Variants in ARIH1 observed in about 807,000 individuals in gnomAD.
ARIH1 encodes ariadne RBR E3 ubiquitin protein ligase 1, also known as E3 ubiquitin-protein ligase ARIH1.
ARIH1 carries 8 observed loss-of-function variants against 85.0 expected under a neutral mutation model. The observed-to-expected ratio is 0.09, with a 90% CI of 0.06 to 0.17. The LOEUF (loss-of-function observed/expected upper bound fraction) is 0.17, where lower values mean the gene tolerates loss of function less well. ARIH1 is among the 10% of genes least tolerant of loss of function. ARIH1 has a pLI of 1.00. For synonymous variants in ARIH1, 238 were observed against 253.6 expected (o/e 0.94, Z 0.59); for missense variants, 311 against 718.1 (o/e 0.43, Z 6.48).
rs2064313617 is a variant in ARIH1, at chr15:72,585,753, A to G, written c.*2461A>G. ...GCATTCCCTAATTTGTATGATCAAGATGAACTGGCCCTTTTCTACTTCCAA... is the reference window on the plus strand; with the variant it reads ...GCATTCCCTAATTTGTATGATCAAGGTGAACTGGCCCTTTTCTACTTCCAA... On this transcript the variant is annotated 3_prime_UTR_variant, in exon 14 of 14. Coordinates refer to ENST00000379887, the MANE Select transcript of ARIH1 (RefSeq NM_005744.5). 6.6e-6 allele frequency: 1 copy of G among 152,192 alleles called. No homozygotes were observed. Among genetic ancestry groups the G allele is most frequent in the African/African-American group, 2.4e-5 (1 of 41,446 alleles). The allele number at this position is 152,192 out of a possible 1,614,324, so 9.4% of individuals were successfully genotyped here.
In ARIH1 at chr15:72,521,732, A is replaced by C. The variant is rs573050163; in HGVS notation, c.443+3598A>C. 3.4e-4 allele frequency among the ~76,000 whole-genome samples: 51 copies of C among 152,136 alleles called. 1 individual carries two copies. The highest frequency in any genetic ancestry group is 3.0e-3 in the Admixed American group (46 of 15,276). ...CCTGGCTAATTTTTGTATTTTTAGT[A>C]GAGAGAGGGTTTCACCATGTTGGCC... On this transcript the variant is annotated intron_variant, in intron 2 of 13. Transcript: ENST00000379887.
At position 72,499,059 on chromosome 15, in the gene ARIH1, C is replaced by T. The variant is rs567069244; in HGVS notation, c.376-19008C>T. 2.2e-5 allele frequency among the ~76,000 whole-genome samples: 3 copies of T among 138,120 alleles called. No homozygotes were observed. In the East Asian group the frequency reaches 6.8e-4, roughly 31 times the overall value. 90.6% of individuals were successfully genotyped at this position (138,120 alleles called of 152,430 possible). A position where few individuals can be genotyped will look rare whatever the true frequency, so the allele number is the denominator to read the frequency against. ...GCAGTAGTGTGATCTCGGCTCACTG[C>T]GACCTCTGCCTCCCGGGTTCAAGCC... On this transcript the variant is annotated intron_variant, in intron 1 of 13. Coordinates refer to ENST00000379887, the MANE Select transcript of ARIH1 (RefSeq NM_005744.5).
intron 1 of ARIH1, among the ~76,000 whole-genome samples, chr15:72,496,588 T>G (rs1478121731): frequency 6.6e-6 from 1 of 152,252 alleles, no homozygotes; most frequent in African/African-American, 2.4e-5. Context: ...CCTGTTGTGA[T>G]AATCAAGAAT....
intron 1 of ARIH1, among the ~76,000 whole-genome samples, chr15:72,497,360 A>G (rs1359974495): frequency 6.6e-6 from 1 of 152,186 alleles, no homozygotes; most frequent in African/African-American, 2.4e-5. Flanking sequence ...CACTATGAGG[A>G]AGATTAAGAA....
At chr15:72,523,578 T>TA (rs1293802014) in intron 2 of ARIH1, among the ~76,000 whole-genome samples, 1 of 151,634 alleles carries the variant, frequency 6.6e-6, no homozygotes, top group Non-Finnish European at 1.5e-5. Flanking sequence ...TAATGGTGGA[T>TA]ATGTATCATT....
chr15:72,580,685 G>A, intron 11 of ARIH1, 46 bp from the exon 12 acceptor site: 1 of 1,554,634 alleles, frequency 6.4e-7, no homozygotes, highest in East Asian at 2.3e-5. Context: ...TTTATGTACA[G>A]TTTATGTGTT....
chr15:72,546,935 G>GT (rs1159301952), intron 3 of ARIH1, among the ~76,000 whole-genome samples: 3 of 44,232 alleles, frequency 6.8e-5, no homozygotes, highest in African/African-American at 1.2e-4. Context: ...TTTTTTTGGA[G>GT]GGGGGGGGGT....
At position 72,587,473 on chromosome 15, in the gene ARIH1, T is replaced by C. The variant is rs2064322384; in HGVS notation, c.*4181T>C. On this transcript the variant is annotated 3_prime_UTR_variant, in exon 14 of 14. Coordinates refer to ENST00000379887, the MANE Select transcript of ARIH1 (RefSeq NM_005744.5). ...ATTTGCTTAATAGTACCCAAGTAAT[T>C]TGCAGTTGTTGGTTTAGTTATTCAA... 3 of 275,122 alleles carry C rather than the reference T, an allele frequency of 1.1e-5. No homozygotes were observed. Among genetic ancestry groups the C allele is most frequent in the Non-Finnish European group, 2.1e-5 (3 of 140,490 alleles). The allele number at this position is 275,122 out of a possible 1,614,324, so 17.0% of individuals were successfully genotyped here.
intron 1 of ARIH1, among the ~76,000 whole-genome samples, chr15:72,517,090 A>G (rs1038309453): frequency 2.6e-5 from 4 of 152,240 alleles, no homozygotes; most frequent in African/African-American, 9.6e-5. Context: ...ATGATAAGGC[A>G]GTAAACTTTG....
intron 7 of ARIH1, 138 bp from the exon 8 acceptor site, chr15:72,566,425 G>A (rs2064221371): frequency 2.8e-6 from 2 of 726,842 alleles, no homozygotes; most frequent in Admixed American, 5.1e-5. Flanking sequence ...AAGCAGACAT[G>A]GGTTCTCTCC....
rs570282075 is a variant in ARIH1, at chr15:72,584,348, G to A, written c.*1056G>A. ...ATCATGCCTCTACCCAAGCCTTTGT[G>A]TGCCCATGTTATGCACACAGCTGTA... is the stretch of plus-strand genomic sequence containing the variant. On this transcript the variant is annotated 3_prime_UTR_variant, in exon 14 of 14. Transcript: ENST00000379887. The A allele has an allele frequency of 6.6e-6, 1 of 152,276 alleles. No homozygotes were observed. Among genetic ancestry groups the A allele is most frequent in the South Asian group, 2.1e-4 (1 of 4,824 alleles). The allele number at this position is 152,276 out of a possible 1,614,324, so 9.4% of individuals were successfully genotyped here.
Position 72,587,321 on chromosome 15 carries a change from T to C in ARIH1, c.*4029T>C, listed in dbSNP as rs1008169352. On this transcript the variant is annotated 3_prime_UTR_variant, in exon 14 of 14. Transcript: ENST00000379887. ...GGTAGTTCTTAACTATATTGTACTT[T>C]TAAACCACATTAAAGACTATTATAA... 7 of 416,070 alleles carry C rather than the reference T, an allele frequency of 1.7e-5. No individual in the cohort carries two copies. The highest frequency in any genetic ancestry group is 2.7e-5 in the Admixed American group (1 of 36,892). The allele number at this position is 416,070 out of a possible 1,614,324, so 25.8% of individuals were successfully genotyped here.
chr15:72,583,137 A>T (rs1411797957), intron 13 of ARIH1, 71 bp from the exon 14 acceptor site: 1 of 1,273,312 alleles, frequency 7.9e-7, no homozygotes, highest in African/African-American at 1.5e-5. Flanking sequence ...TGCCTTAAAA[A>T]TAAGTAAATG....
intron 11 of ARIH1, among the ~76,000 whole-genome samples, chr15:72,579,512 T>C (rs890589324): frequency 6.6e-6 from 1 of 152,232 alleles, no homozygotes; most frequent in Admixed American, 6.5e-5. Context: ...TGTGGCATAC[T>C]GTAGAACAGT....
intron 11 of ARIH1, among the ~76,000 whole-genome samples, chr15:72,572,786 A>G (rs2064254447): frequency 6.6e-6 from 1 of 152,188 alleles, no homozygotes; most frequent in Non-Finnish European, 1.5e-5. Flanking sequence ...TATAGGCAAT[A>G]TCTTACTTAC....
intron 2 of ARIH1, among the ~76,000 whole-genome samples, chr15:72,534,568 A>G (rs1436180843): frequency 2.0e-5 from 3 of 152,222 alleles, no homozygotes; most frequent in Admixed American, 1.3e-4. Context: ...CTTTGTACCT[A>G]CAAGTAAACT....
chr15:72,564,849 CT>C (rs996494227), intron 7 of ARIH1, among the ~76,000 whole-genome samples: 14 of 149,196 alleles, frequency 9.4e-5, no homozygotes, highest in Non-Finnish European at 1.0e-4. Flanking sequence ...CTCTGGGCCC[CT>C]TTTTTTTTTA....
intron 7 of ARIH1, among the ~76,000 whole-genome samples, chr15:72,565,694 A>G (rs551821434): frequency 5.3e-5 from 8 of 152,318 alleles, no homozygotes; most frequent in African/African-American, 1.7e-4. Flanking sequence ...GTGAATACCT[A>G]TATAGCTACA....
chr15:72,501,233 C>G (rs1047663795), intron 1 of ARIH1, among the ~76,000 whole-genome samples: 9 of 152,032 alleles, frequency 5.9e-5, no homozygotes, highest in African/African-American at 1.5e-4. Flanking sequence ...TTTAAAGAAG[C>G]CTACAATGGC....
Sources: allele counts gnomAD v4.1 joint callset (sites outside exome capture counted in the v4.1 genomes callset), GRCh38; gene constraint gnomAD v4.1.1; transcripts MANE v1.5; gene names NCBI Gene and HGNC (gene_info 2026-07-23, HGNC 2026-07-21).